GABRB1: variants seen among roughly 807,000 people sequenced by gnomAD.
The protein encoded by GABRB1 is gamma-aminobutyric acid receptor subunit beta-1.
In GABRB1, 17 loss-of-function variants were observed where a neutral mutation model predicts 51.6. That is an observed-to-expected ratio of 0.33 (90% CI 0.23 to 0.49). The LOEUF is 0.49. Ranked by LOEUF, GABRB1 falls within the 20% of genes least tolerant of loss-of-function variation. The pLI is 0.99. For synonymous variants in GABRB1, 247 were observed against 218.9 expected, an observed-to-expected ratio of 1.13 and a Z score of -1.14; for missense variants, 410 against 600.6, an observed-to-expected ratio of 0.68 and a Z score of 3.32.
intron 3 of GABRB1, among the ~76,000 whole-genome samples, chr4:47,052,924 G>A (rs1577863174): frequency 6.6e-6 from 1 of 152,324 alleles, no homozygotes; most frequent in East Asian, 1.9e-4. Flanking sequence ...GTGGAAATCA[G>A]AGAAGAAATT....
chr4:47,177,136 T>A (rs185024598), intron 4 of GABRB1, among the ~76,000 whole-genome samples: 44 of 152,210 alleles, frequency 2.9e-4, no homozygotes, highest in Admixed American at 5.2e-4. Flanking sequence ...CAGAGGCCAC[T>A]GAGAACACAA....
chr4:47,032,648 T>C, intron 3 of GABRB1, 164 bp downstream of exon 3: 1 of 740,802 alleles, frequency 1.3e-6, no homozygotes, highest in Non-Finnish European at 2.5e-6. Flanking sequence ...TCGCCCCTGG[T>C]TTGTAATTTC....
At chr4:47,318,325 T>A (rs913578703) in intron 4 of GABRB1, among the ~76,000 whole-genome samples, 1 of 151,998 alleles carries the variant, frequency 6.6e-6, no homozygotes, top group Non-Finnish European at 1.5e-5. Flanking sequence ...ATTTTTATTA[T>A]CACCTTAGCA....
chr4:47,128,379 G>A (rs940509668), intron 3 of GABRB1, among the ~76,000 whole-genome samples: 5 of 151,522 alleles, frequency 3.3e-5, no homozygotes, highest in Admixed American at 1.3e-4. Context: ...AAATAATAAA[G>A]GTAGAATAAA....
intron 4 of GABRB1, among the ~76,000 whole-genome samples, chr4:47,257,286 C>T (rs1334344683): frequency 6.6e-6 from 1 of 152,164 alleles, no homozygotes; most frequent in Non-Finnish European, 1.5e-5. Flanking sequence ...GTGATAGTAA[C>T]AGCCCTTCTG....
chr4:47,214,026 G>A (rs1179909328), intron 4 of GABRB1, among the ~76,000 whole-genome samples: 35 of 152,026 alleles, frequency 2.3e-4, no homozygotes, highest in Admixed American at 2.3e-3. Context: ...ACTCCTGGTG[G>A]ATGATGTCAC....
At chr4:46,999,607 G>T (rs888099624) in intron 1 of GABRB1, among the ~76,000 whole-genome samples, 1 of 152,126 alleles carries the variant, frequency 6.6e-6, no homozygotes, top group African/African-American at 2.4e-5. Flanking sequence ...GTATACAAAA[G>T]AAGCAAGAGG....
At chr4:47,206,209 G>A (rs1452562120) in intron 4 of GABRB1, among the ~76,000 whole-genome samples, 1 of 151,978 alleles carries the variant, frequency 6.6e-6, no homozygotes, top group Non-Finnish European at 1.5e-5. Context: ...ACCAGTTGGG[G>A]GCAAGAGAAT....
chr4:47,403,395 C>A lies in GABRB1; in HGVS notation c.622C>A (p.Leu208Ile). 6.2e-7 allele frequency: 1 copy of A among 1,614,030 alleles called. No individual in the cohort carries two copies. ...AGTCACTGGTGTTAATAAAATCGAA[C>A]TTCCTCAATTTTCAATTGTTGACTA... ...GAVTGVNKIE[L>I]PQFSIVDYKM... The change falls in exon 6 of 9, where the codon CTT (leucine) becomes ATT (isoleucine). Residue 208 changes from leucine to isoleucine, a missense_variant. Transcript: ENST00000295454.
chr4:47,403,498 G>C, intron 6 of GABRB1, 43 bp downstream of exon 6: 1 of 1,613,282 alleles, frequency 6.2e-7, no homozygotes, highest in Non-Finnish European at 8.5e-7. Flanking sequence ...TGCTGTGAAA[G>C]GAAGAAGATG....
intron 1 of GABRB1, among the ~76,000 whole-genome samples, chr4:47,012,108 C>T (rs1219224666): frequency 2.0e-5 from 3 of 152,156 alleles, no homozygotes; most frequent in Non-Finnish European, 4.4e-5. Context: ...TCATTTCATG[C>T]ACACTTATAT....
chr4:47,210,940 A>G (rs1025217731), intron 4 of GABRB1, among the ~76,000 whole-genome samples: 1 of 152,216 alleles, frequency 6.6e-6, no homozygotes, highest in Non-Finnish European at 1.5e-5. Context: ...AATTAGTAAC[A>G]GAGAAGAAAA....
At chr4:47,107,604 C>A (rs1312903061) in intron 3 of GABRB1, among the ~76,000 whole-genome samples, 2 of 151,964 alleles carry the variant, frequency 1.3e-5, no homozygotes, top group Non-Finnish European at 2.9e-5. Context: ...TAAAATGGAG[C>A]CAATAATATC....
intron 3 of GABRB1, among the ~76,000 whole-genome samples, chr4:47,078,896 A>T (rs1727690458): frequency 6.6e-6 from 1 of 152,106 alleles, no homozygotes; most frequent in Admixed American, 6.6e-5. Context: ...GCTAAGAAAA[A>T]TCAGCTTAGA....
chr4:46,996,447 T>C (rs1724000638), intron 1 of GABRB1, among the ~76,000 whole-genome samples: 1 of 152,180 alleles, frequency 6.6e-6, no homozygotes, highest in Non-Finnish European at 1.5e-5. Context: ...CGTCTTAGGA[T>C]GGACACTTTA....
chr4:47,261,115 A>C (rs1234638968), intron 4 of GABRB1, among the ~76,000 whole-genome samples: 1 of 152,196 alleles, frequency 6.6e-6, no homozygotes, highest in Non-Finnish European at 1.5e-5. Flanking sequence ...CAAAAACTGG[A>C]CGCATTCCCT....
chr4:47,368,923 C>A (rs1727087595), intron 5 of GABRB1, among the ~76,000 whole-genome samples: 2 of 152,164 alleles, frequency 1.3e-5, no homozygotes, highest in Admixed American at 6.5e-5. Context: ...GACTGGCCAA[C>A]ATGGTGAAAC....
chr4:47,349,599 G>T (rs1726232938), intron 5 of GABRB1, among the ~76,000 whole-genome samples: 3 of 152,122 alleles, frequency 2.0e-5, no homozygotes, highest in African/African-American at 7.2e-5. Flanking sequence ...TCATCCCTTT[G>T]TCCGGTGGAT....
intron 3 of GABRB1, among the ~76,000 whole-genome samples, chr4:47,050,476 A>T (rs1441644779): frequency 6.6e-6 from 1 of 152,114 alleles, no homozygotes; most frequent in Non-Finnish European, 1.5e-5. Flanking sequence ...TGCTTGTTAG[A>T]AGTTCCCAAG....
Sources: allele counts gnomAD v4.1 joint callset (sites outside exome capture counted in the v4.1 genomes callset), GRCh38; gene constraint gnomAD v4.1.1; transcripts MANE v1.5; gene names NCBI Gene and HGNC (gene_info 2026-07-23, HGNC 2026-07-21).